The following PARD3B variants were observed in gnomAD, a reference collection of about 807,000 sequenced individuals.
The protein encoded by PARD3B is par-3 family cell polarity regulator beta.
A neutral mutation model predicts 130.2 loss-of-function variants in PARD3B; 103 were observed. The observed-to-expected ratio is 0.79, with a 90% CI of 0.67 to 0.93. PARD3B has a LOEUF of 0.93. Among genes scored for constraint, PARD3B ranks in the 40% least tolerant of loss-of-function variants. The pLI is 0.00. For missense variants in PARD3B, 1,609 were observed against 1,499.2 expected (o/e 1.07, Z -1.21); for synonymous variants, 583 against 553.2 (o/e 1.05, Z -0.76).
intron 15 of PARD3B, among the ~76,000 whole-genome samples, chr2:205,243,143 G>A (rs1559579394): frequency 6.6e-6 from 1 of 151,882 alleles, no homozygotes; most frequent in Non-Finnish European, 1.5e-5. Context: ...TTTAGCCTGG[G>A]CAACAAGAGC....
intron 19 of PARD3B, among the ~76,000 whole-genome samples, chr2:205,428,896 T>A (rs1425125006): frequency 6.6e-6 from 1 of 152,050 alleles, no homozygotes; most frequent in Non-Finnish European, 1.5e-5. Flanking sequence ...CAGATTGTGG[T>A]CTCTAGATAT....
intron 18 of PARD3B, among the ~76,000 whole-genome samples, chr2:205,350,613 T>C (rs1456886198): frequency 6.6e-6 from 1 of 152,232 alleles, no homozygotes; most frequent in Non-Finnish European, 1.5e-5. Context: ...TCTTCTCCTT[T>C]ATTGTCTTTT....
intron 2 of PARD3B, 123 bp from the exon 3 acceptor site, chr2:204,965,029 T>G: frequency 1.3e-6 from 1 of 797,188 alleles, no homozygotes; most frequent in African/African-American, 1.8e-5. Context: ...ATAGTAACAT[T>G]AACATTTTAA....
At position 205,118,563 on chromosome 2, in the gene PARD3B, G is replaced by A. The variant is rs192288295; in HGVS notation, c.681-358G>A. Among the ~76,000 whole-genome samples the A allele has an allele frequency of 3.3e-4, 50 of 152,290 alleles. 1 individual carries two copies. Among genetic ancestry groups the A allele is most frequent in the Admixed American group, 3.1e-3 (47 of 15,306 alleles). On this transcript the variant is annotated intron_variant, in intron 6 of 22. Transcript: ENST00000406610. ...CTCTCCCACTGCTAAACATCACGTT[G>A]CCACGTTGGCACTAACTCAGACTTA... is the stretch of plus-strand genomic sequence containing the variant.
chr2:205,281,183 C>A lies in PARD3B; in HGVS notation c.2186-19347C>A, dbSNP rs571019814. Among the ~76,000 whole-genome samples the A allele has an allele frequency of 6.6e-6, 1 of 152,220 alleles. No homozygotes were observed. Among genetic ancestry groups the A allele is most frequent in the South Asian group, 2.1e-4 (1 of 4,826 alleles). Reference sequence around the variant, plus strand: ...GTAAACATTTCAAGGGTATAAGATTCCATGACTGTGATAGCAGACAGGTGC... The same window carrying A: ...GTAAACATTTCAAGGGTATAAGATTACATGACTGTGATAGCAGACAGGTGC... On this transcript the variant is annotated intron_variant, in intron 16 of 22. Coordinates refer to ENST00000406610, the MANE Select transcript of PARD3B (RefSeq NM_001302769.2). This position sits in a 1 kb window ranked among gnomAD's most constrained non-coding sequence, Gnocchi z 4.2.
chr2:205,257,909 A>G (rs1400705159), intron 16 of PARD3B, among the ~76,000 whole-genome samples: 3 of 152,062 alleles, frequency 2.0e-5, no homozygotes, highest in Admixed American at 6.5e-5. Flanking sequence ...TACATTAACA[A>G]TGACCTACAC....
intron 1 of PARD3B, among the ~76,000 whole-genome samples, chr2:204,626,905 C>G (rs1288677093): frequency 6.6e-6 from 1 of 152,002 alleles, no homozygotes; most frequent in African/African-American, 2.4e-5. Context: ...GTGTCTGCAC[C>G]CAAATCTCAT....
intron 2 of PARD3B, among the ~76,000 whole-genome samples, chr2:204,855,845 C>CTCTA (rs2044912838): frequency 6.6e-6 from 1 of 152,056 alleles, no homozygotes; most frequent in Admixed American, 6.6e-5. Context: ...GAGCAAAGTA[C>CTCTA]TCTAGTTCCA....
At chr2:204,823,728 T>A (rs1575072841) in intron 2 of PARD3B, among the ~76,000 whole-genome samples, 4 of 152,026 alleles carry the variant, frequency 2.6e-5, no homozygotes, top group Non-Finnish European at 4.4e-5. Context: ...TCACCTGAGG[T>A]CAGGAGTTCA....
At chr2:204,547,025 G>A (rs2030008926) in intron 1 of PARD3B, among the ~76,000 whole-genome samples, 1 of 152,174 alleles carries the variant, frequency 6.6e-6, no homozygotes, top group South Asian at 2.1e-4. Context: ...TGTCCCAAAT[G>A]CTCCTCAAAC....
intron 1 of PARD3B, among the ~76,000 whole-genome samples, chr2:204,568,989 A>G (rs1160171598): frequency 1.3e-5 from 2 of 152,016 alleles, no homozygotes; most frequent in Admixed American, 6.6e-5. Flanking sequence ...AAACTCAGGC[A>G]TATTATTTTG....
chr2:205,586,795 C>T (rs573413290), intron 22 of PARD3B, among the ~76,000 whole-genome samples: 173 of 152,112 alleles, frequency 1.1e-3, no homozygotes, highest in Non-Finnish European at 1.7e-3. Context: ...ACTAGCATGG[C>T]GTAATAGTTT....
intron 2 of PARD3B, among the ~76,000 whole-genome samples, chr2:204,957,790 G>T (rs1281839709): frequency 2.6e-5 from 4 of 152,092 alleles, no homozygotes. Flanking sequence ...CTTCCCAAAG[G>T]TGATAATGTG....
rs933474868 is a variant in PARD3B, at chr2:205,405,062, C to T, written c.2741+3939C>T. 1.3e-5 allele frequency among the ~76,000 whole-genome samples: 2 copies of T among 151,912 alleles called. No individual in the cohort carries two copies. The highest frequency in any genetic ancestry group is 2.9e-5 in the Non-Finnish European group (2 of 68,012). ...TTATCTACATATCTAATTCCTGATCCGAAACCATTTTGCTGCTATATATGG... is the reference window on the plus strand; with the variant it reads ...TTATCTACATATCTAATTCCTGATCTGAAACCATTTTGCTGCTATATATGG... On this transcript the variant is annotated intron_variant, in intron 19 of 22. Transcript: ENST00000406610. The surrounding 1 kb of genome is among the most constrained non-coding windows in gnomAD (Gnocchi z 4.1).
intron 10 of PARD3B, among the ~76,000 whole-genome samples, chr2:205,149,647 T>C (rs62172703): frequency 0.023 from 3,464 of 152,346 alleles, 61 homozygotes; most frequent in Middle Eastern, 0.037. Context: ...CAGAGATATC[T>C]GGCATCCCTC....
chr2:204,587,439 T>C (rs1389172248), intron 1 of PARD3B, among the ~76,000 whole-genome samples: 1 of 152,228 alleles, frequency 6.6e-6, no homozygotes, highest in Non-Finnish European at 1.5e-5. Context: ...TAAATGGAAT[T>C]GTTGGTAGTC....
At chr2:204,743,269 G>A (rs2040080789) in intron 2 of PARD3B, among the ~76,000 whole-genome samples, 1 of 151,926 alleles carries the variant, frequency 6.6e-6, no homozygotes, top group Non-Finnish European at 1.5e-5. Flanking sequence ...TGCTGCTCTG[G>A]TTTGATTTTT....
rs913477912 is a variant in PARD3B at position 205,246,296 on chromosome 2, T to G, written c.2185+474T>G. Among the ~76,000 whole-genome samples, 3 of 151,966 alleles carry G rather than the reference T, an allele frequency of 2.0e-5. No individual in the cohort carries two copies. The East Asian group carries it at 5.8e-4, about 29-fold the overall frequency. On this transcript the variant is annotated intron_variant, in intron 16 of 22. Transcript: ENST00000406610. Reference sequence around the variant, plus strand: ...ATTGTTCCAGGGATGTATGCATTATTTTTATTTAGAGACATGAATGAGCTC... The same window carrying G: ...ATTGTTCCAGGGATGTATGCATTATGTTTATTTAGAGACATGAATGAGCTC...
chr2:204,546,317 A>G lies in PARD3B; in HGVS notation c.120+198A>G, dbSNP rs900249283. ...TGGGCCTTGAGCTCCGAGGGTCGTG[A>G]GTGGACCTGCAGCATTGGAATCTCT... On this transcript the variant is annotated intron_variant, in intron 1 of 22. Transcript: ENST00000406610. The G allele has an allele frequency of 2.7e-5, 20 of 753,844 alleles. 1 individual carries two copies. Among genetic ancestry groups the G allele is most frequent in the African/African-American group, 2.5e-4 (14 of 55,968 alleles). The allele number at this position is 753,844 out of a possible 1,614,324, so 46.7% of individuals were successfully genotyped here.
Sources: gnomAD v4.1 joint callset for allele counts (sites outside exome capture counted in the v4.1 genomes callset) on GRCh38, gnomAD v4.1.1 for gene constraint, Gnocchi (gnomAD v3.1) non-coding constraint, MANE v1.5 for transcripts, NCBI Gene and HGNC (gene_info 2026-07-23, HGNC 2026-07-21) for gene names.